Variants in TSHZ2 observed in about 807,000 individuals in gnomAD.
TSHZ2 encodes teashirt zinc finger homeobox 2, also known as teashirt homolog 2.
TSHZ2 carries 21 observed loss-of-function variants against 74.4 expected under a neutral mutation model. The observed-to-expected ratio is 0.28, with a 90% CI of 0.20 to 0.41. The LOEUF (loss-of-function observed/expected upper bound fraction) is 0.41. Among genes scored for constraint, TSHZ2 ranks in the 10% least tolerant of loss-of-function variants. TSHZ2 has a pLI of 1.00. For missense variants in TSHZ2, 1,244 were observed against 1,293.5 expected, an observed-to-expected ratio of 0.96 and a Z score of 0.59; for synonymous variants, 540 against 515.3, an observed-to-expected ratio of 1.05 and a Z score of -0.65.
At chr20:53,138,616 AT>A (rs1987312186) in intron 1 of TSHZ2, among the ~76,000 whole-genome samples, 1 of 151,756 alleles carries the variant, frequency 6.6e-6, no homozygotes, top group African/African-American at 2.4e-5. Flanking sequence ...CCTTTTATCT[AT>A]TCTAGATTGT....
chr20:52,988,273 C>G (rs1981847637), intron 1 of TSHZ2, among the ~76,000 whole-genome samples: 1 of 152,120 alleles, frequency 6.6e-6, no homozygotes, highest in African/African-American at 2.4e-5. Context: ...TGTTTATATA[C>G]AATCTCTCCC....
chr20:53,313,743 T>A (rs992331863), intron 2 of TSHZ2, among the ~76,000 whole-genome samples: 5 of 152,228 alleles, frequency 3.3e-5, no homozygotes, highest in Non-Finnish European at 5.9e-5. Context: ...TTGGCCTCTG[T>A]TCCACAATCT....
rs142758223 is a variant in TSHZ2, at chr20:53,027,364, G to A, written c.40+54031G>A. ...CAAAATGGTTTCATCCAATAATACA[G>A]TTCTACTATATATGCTGTTAGAGCA... On this transcript the variant is annotated intron_variant, in intron 1 of 2. Coordinates refer to ENST00000371497, the MANE Select transcript of TSHZ2 (RefSeq NM_173485.6). Among the ~76,000 whole-genome samples, 599 of 152,208 alleles carry A rather than the reference G, an allele frequency of 3.9e-3. 2 individuals carry two copies. The highest frequency in any genetic ancestry group is 0.024 in the South Asian group (117 of 4,814).
intron 1 of TSHZ2, among the ~76,000 whole-genome samples, chr20:52,990,768 G>T (rs375818872): frequency 1.3e-5 from 2 of 152,138 alleles, no homozygotes; most frequent in East Asian, 3.9e-4. Context: ...AGGTCCAGGG[G>T]GTAGAAATAA....
chr20:53,016,920 T>TG lies in TSHZ2; in HGVS notation c.40+43593dup, dbSNP rs370240571. Among the ~76,000 whole-genome samples, 363 of 152,146 alleles carry TG rather than the reference T, an allele frequency of 2.4e-3. 3 individuals carry two copies. Among genetic ancestry groups the TG allele is most frequent in the African/African-American group, 8.3e-3 (346 of 41,530 alleles). ...TTACCTTTTACTCGTGAGTTGCAGG[T>TG]GGGGGGCTTGCTTGTTTTCATCACT... On this transcript the variant is annotated intron_variant, in intron 1 of 2. Transcript: ENST00000371497.
chr20:53,485,847 T>A (rs539099766), intron 2 of TSHZ2, among the ~76,000 whole-genome samples: 1 of 152,308 alleles, frequency 6.6e-6, no homozygotes, highest in East Asian at 1.9e-4. Context: ...GTGAAAAAAA[T>A]CATACATTAT....
At chr20:53,207,360 G>A (rs998320441) in intron 1 of TSHZ2, among the ~76,000 whole-genome samples, 1 of 152,146 alleles carries the variant, frequency 6.6e-6, no homozygotes, top group Non-Finnish European at 1.5e-5. Context: ...TTATTTTGCT[G>A]TAGTTAAAAA....
intron 2 of TSHZ2, among the ~76,000 whole-genome samples, chr20:53,427,106 G>C (rs1164388396): frequency 6.6e-6 from 1 of 152,182 alleles, no homozygotes; most frequent in African/African-American, 2.4e-5. Flanking sequence ...TGTCATTGCA[G>C]ATAGGTCAGG....
chr20:53,158,002 A>T lies in TSHZ2; in HGVS notation c.41-95497A>T, dbSNP rs1038665135. Among the ~76,000 whole-genome samples the T allele has an allele frequency of 5.3e-5, 8 of 152,196 alleles. No individual in the cohort carries two copies. In the East Asian group the frequency reaches 1.5e-3, roughly 29 times the overall value. ...AGAAACTGAGAAATTTGAGTGGGGGATTGTGAATTGCTGCTGCCTTGGGTG... is the reference window on the plus strand; with the variant it reads ...AGAAACTGAGAAATTTGAGTGGGGGTTTGTGAATTGCTGCTGCCTTGGGTG... On this transcript the variant is annotated intron_variant, in intron 1 of 2. Transcript: ENST00000371497.
chr20:53,422,988 T>G (rs1983531226), intron 2 of TSHZ2, among the ~76,000 whole-genome samples: 1 of 151,452 alleles, frequency 6.6e-6, no homozygotes, highest in Admixed American at 6.6e-5. Context: ...TAGTCCCCAT[T>G]TTATAGATGA....
chr20:53,250,832 T>C (rs1037549893), intron 1 of TSHZ2, among the ~76,000 whole-genome samples: 2 of 139,180 alleles, frequency 1.4e-5, no homozygotes, highest in East Asian at 4.1e-4. Flanking sequence ...CAAATGTCAG[T>C]GGGAAAAAAA....
At chr20:53,477,969 C>T (rs1400732265) in intron 2 of TSHZ2, among the ~76,000 whole-genome samples, 1 of 144,032 alleles carries the variant, frequency 6.9e-6, no homozygotes, top group South Asian at 2.3e-4. Context: ...GAGATACTAT[C>T]TCACACTAGT....
intron 2 of TSHZ2, among the ~76,000 whole-genome samples, chr20:53,423,714 C>G (rs1035054422): frequency 6.6e-6 from 1 of 152,212 alleles, no homozygotes; most frequent in Non-Finnish European, 1.5e-5. Context: ...TGCAGCGTTA[C>G]TGAAAAATGC....
chr20:53,104,850 C>A (rs17390526), intron 1 of TSHZ2, among the ~76,000 whole-genome samples: 10,198 of 152,202 alleles, frequency 0.067, 439 homozygotes, highest in Non-Finnish European at 0.1. Context: ...AAGCAATTAC[C>A]GTTGCCCCAT....
intron 1 of TSHZ2, among the ~76,000 whole-genome samples, chr20:53,231,435 T>G (rs968824384): frequency 6.6e-6 from 1 of 152,198 alleles, no homozygotes; most frequent in Non-Finnish European, 1.5e-5. Context: ...TCAACATTAG[T>G]TCATTGATGT....
chr20:53,211,684 G>A (rs1023129867), intron 1 of TSHZ2, among the ~76,000 whole-genome samples: 7 of 152,046 alleles, frequency 4.6e-5, no homozygotes, highest in African/African-American at 1.4e-4. Context: ...GCTGCATTCC[G>A]GCCTGGGTGA....
intron 1 of TSHZ2, among the ~76,000 whole-genome samples, chr20:53,063,020 T>C (rs1295054740): frequency 6.6e-6 from 1 of 152,168 alleles, no homozygotes; most frequent in Non-Finnish European, 1.5e-5. Context: ...ATTTCCAGTT[T>C]GTTTGGCACC....
chr20:53,202,191 C>T lies in TSHZ2; in HGVS notation c.41-51308C>T, dbSNP rs141130466. ...TACTCCTTTTACCCATGACCTTCCT[C>T]GGTGATTGGAGCATTGTAGAGGGTC... On this transcript the variant is annotated intron_variant, in intron 1 of 2. Transcript: ENST00000371497. Among the ~76,000 whole-genome samples the T allele has an allele frequency of 2.9e-3, 447 of 152,302 alleles. 3 individuals are homozygous for T. The highest frequency in any genetic ancestry group is 4.7e-3 in the Non-Finnish European group (317 of 68,032).
At chr20:53,418,816 C>T (rs892449058) in intron 2 of TSHZ2, among the ~76,000 whole-genome samples, 4 of 152,182 alleles carry the variant, frequency 2.6e-5, no homozygotes, top group Admixed American at 6.5e-5. Context: ...CCACTCGCTC[C>T]CAGCTCAGTC....
Sources: gnomAD v4.1 joint callset for allele counts (sites outside exome capture counted in the v4.1 genomes callset) on GRCh38, gnomAD v4.1.1 for gene constraint, MANE v1.5 for transcripts, NCBI Gene and HGNC (gene_info 2026-07-23, HGNC 2026-07-21) for gene names.